Variants in NELL2 observed in about 807,000 individuals in gnomAD.
NELL2 encodes the protein neural EGFL like 2.
A neutral mutation model predicts 109.6 loss-of-function variants in NELL2; 41 were observed. The ratio of observed to expected loss-of-function variants is 0.37; its 90% CI spans 0.29 to 0.49. NELL2 has a LOEUF of 0.49. Ranked by LOEUF, NELL2 falls within the 20% of genes least tolerant of loss-of-function variation. The pLI is 0.98. For missense variants in NELL2, 900 were observed against 1,008.3 expected (o/e 0.89, Z 1.45); for synonymous variants, 355 against 344.7 (o/e 1.03, Z -0.33).
At chr12:44,896,856 G>T (rs1009706360) in intron 1 of NELL2, among the ~76,000 whole-genome samples, 1 of 152,236 alleles carries the variant, frequency 6.6e-6, no homozygotes, top group Admixed American at 6.5e-5. Context: ...AGATGGACAA[G>T]TGGAAGATAT....
At chr12:44,872,582 T>C (rs1315597837) in intron 2 of NELL2, among the ~76,000 whole-genome samples, 1 of 152,116 alleles carries the variant, frequency 6.6e-6, no homozygotes, top group African/African-American at 2.4e-5. Context: ...CAATATTAAA[T>C]GAGCAAAAAT....
chr12:44,721,434 G>T (rs1314156117), intron 9 of NELL2, among the ~76,000 whole-genome samples: 1 of 152,064 alleles, frequency 6.6e-6, no homozygotes, highest in Non-Finnish European at 1.5e-5. Context: ...CATGAAGAAA[G>T]GTTTCATTAC....
intron 12 of NELL2, among the ~76,000 whole-genome samples, chr12:44,696,744 G>T (rs756791029): frequency 6.6e-6 from 1 of 152,038 alleles, no homozygotes; most frequent in Non-Finnish European, 1.5e-5. Context: ...CAGCCTAATG[G>T]TGCCCATCAG....
At chr12:44,616,662 T>C (rs969505402) in intron 13 of NELL2, among the ~76,000 whole-genome samples, 1 of 152,150 alleles carries the variant, frequency 6.6e-6, no homozygotes, top group Non-Finnish European at 1.5e-5. Context: ...CTTAGTCATA[T>C]TCCTCTAATA....
chr12:44,524,207 C>T (rs1381040229), intron 16 of NELL2, among the ~76,000 whole-genome samples: 1 of 152,206 alleles, frequency 6.6e-6, no homozygotes, highest in African/African-American at 2.4e-5. Flanking sequence ...TTCACCTGGC[C>T]TCACCTATTT....
chr12:44,613,277 A>T (rs1420929921), intron 13 of NELL2, among the ~76,000 whole-genome samples: 7 of 152,014 alleles, frequency 4.6e-5, no homozygotes, highest in Non-Finnish European at 1.0e-4. Context: ...TTAGTTCTCC[A>T]TTCTTAAGCT....
intron 1 of NELL2, among the ~76,000 whole-genome samples, chr12:44,909,142 G>A (rs1254715600): frequency 6.6e-6 from 1 of 151,822 alleles, no homozygotes; most frequent in East Asian, 1.9e-4. Flanking sequence ...ATTCAACTAT[G>A]TCTCTTTACT....
intron 15 of NELL2, among the ~76,000 whole-genome samples, chr12:44,581,753 T>A (rs1171758734): frequency 6.6e-6 from 1 of 152,142 alleles, no homozygotes; most frequent in Non-Finnish European, 1.5e-5. Context: ...AAAAATCAAT[T>A]GAAAGCTATT....
At chr12:44,696,365 T>G (rs113056698) in intron 12 of NELL2, among the ~76,000 whole-genome samples, 1 of 152,218 alleles carries the variant, frequency 6.6e-6, no homozygotes, top group Admixed American at 6.5e-5. Context: ...ACCTTATACA[T>G]ACCAGATATT....
At chr12:44,753,046 C>A (rs534285427) in intron 9 of NELL2, among the ~76,000 whole-genome samples, 3 of 152,102 alleles carry the variant, frequency 2.0e-5, no homozygotes, top group African/African-American at 7.2e-5. Flanking sequence ...TTATGCAGTT[C>A]ATTGAACACA....
chr12:44,598,883 ACTCTCTCTCTCTCT>A (rs71459071), intron 15 of NELL2, among the ~76,000 whole-genome samples: 1 of 143,940 alleles, frequency 6.9e-6, no homozygotes, highest in Non-Finnish European at 1.5e-5. Context: ...ACACACACAC[ACTCTCTCTCTCTCT>A]CTCTCTCTCT....
chr12:44,898,045 G>A (rs1824070744), intron 1 of NELL2, among the ~76,000 whole-genome samples: 1 of 152,200 alleles, frequency 6.6e-6, no homozygotes, highest in African/African-American at 2.4e-5. Context: ...CAAAGCCCCT[G>A]TAGCCAGACT....
intron 13 of NELL2, among the ~76,000 whole-genome samples, chr12:44,658,460 A>G (rs1165343101): frequency 6.6e-6 from 1 of 152,192 alleles, no homozygotes. Context: ...CAAATGGAAA[A>G]ACATTCCATG....
At chr12:44,575,432 T>C (rs1269687844) in intron 15 of NELL2, among the ~76,000 whole-genome samples, 2 of 152,372 alleles carry the variant, frequency 1.3e-5, no homozygotes, top group East Asian at 3.9e-4. Flanking sequence ...ATTTGCTGTA[T>C]CTTTGCTGCA....
rs1311329813 is a variant in NELL2, at chr12:44,798,274, AT to A, written c.335+17711del. ...ATAAGAATTTGAAATAAATATCACT[AT>A]TTTTATTGGTGGACAACATGACTAT... On this transcript the variant is annotated intron_variant, in intron 3 of 19. Coordinates refer to ENST00000429094, the MANE Select transcript of NELL2 (RefSeq NM_001145108.2). 5.3e-5 allele frequency among the ~76,000 whole-genome samples: 8 copies of A among 151,980 alleles called. 1 individual carries two copies. The South Asian group carries it at 8.3e-4, about 16-fold the overall frequency.
intron 3 of NELL2, among the ~76,000 whole-genome samples, chr12:44,786,680 G>A (rs370689277): frequency 5.3e-5 from 8 of 152,230 alleles, no homozygotes; most frequent in South Asian, 2.1e-4. Context: ...TATACACCAC[G>A]GATTACTATG....
chr12:44,897,038 T>C (rs890225871), intron 1 of NELL2, among the ~76,000 whole-genome samples: 2 of 152,196 alleles, frequency 1.3e-5, no homozygotes, highest in Non-Finnish European at 2.9e-5. Context: ...AATCTGCTGG[T>C]ACTATTGACA....
intron 9 of NELL2, among the ~76,000 whole-genome samples, chr12:44,720,437 G>A (rs1484439152): frequency 6.6e-6 from 1 of 152,106 alleles, no homozygotes; most frequent in Non-Finnish European, 1.5e-5. Flanking sequence ...TATAGCCTGT[G>A]TCTTACAGAA....
intron 13 of NELL2, among the ~76,000 whole-genome samples, chr12:44,642,792 G>C (rs1032746739): frequency 6.6e-6 from 1 of 152,266 alleles, no homozygotes; most frequent in South Asian, 2.1e-4. Context: ...TGAGGCAGGA[G>C]AACCACTGGA....
Sources: allele counts gnomAD v4.1 joint callset (sites outside exome capture counted in the v4.1 genomes callset), GRCh38; gene constraint gnomAD v4.1.1; transcripts MANE v1.5; gene names NCBI Gene and HGNC (gene_info 2026-07-23, HGNC 2026-07-21).